The following FSIP1 variants were observed in gnomAD, a reference collection of about 807,000 sequenced individuals.
The protein encoded by FSIP1 is fibrous sheath interacting protein 1.
FSIP1 carries 65 observed loss-of-function variants against 60.9 expected under a neutral mutation model. That is an observed-to-expected ratio of 1.07 (90% CI 0.87 to 1.31). FSIP1 has a LOEUF of 1.31. Among genes scored for constraint, FSIP1 ranks in the 40% most tolerant of loss-of-function variants. The pLI is 0.00. For synonymous variants in FSIP1, 209 were observed against 221.2 expected (o/e 0.94, Z 0.49); for missense variants, 675 against 665.5 (o/e 1.01, Z -0.16).
intron 10 of FSIP1, among the ~76,000 whole-genome samples, chr15:39,658,972 G>T (rs901304718): frequency 1.3e-5 from 2 of 152,134 alleles, no homozygotes; most frequent in African/African-American, 2.4e-5. Flanking sequence ...ATATTATTTG[G>T]CAATAAAAAG....
At chr15:39,674,796 G>C (rs1456087082) in intron 10 of FSIP1, among the ~76,000 whole-genome samples, 1 of 150,458 alleles carries the variant, frequency 6.6e-6, no homozygotes, top group East Asian at 1.9e-4. Context: ...ATTTTTTAAA[G>C]ACACAAAAGT....
At chr15:39,601,696 T>C (rs1022134296) in intron 11 of FSIP1, among the ~76,000 whole-genome samples, 1 of 152,234 alleles carries the variant, frequency 6.6e-6, no homozygotes, top group Admixed American at 6.5e-5. Context: ...GATATATCCA[T>C]ATAATTGAGA....
intron 8 of FSIP1, among the ~76,000 whole-genome samples, chr15:39,728,001 C>T (rs1053060112): frequency 1.3e-5 from 2 of 152,116 alleles, no homozygotes; most frequent in African/African-American, 2.4e-5. Flanking sequence ...AACACCCAAG[C>T]TGAGAGCCAA....
At chr15:39,690,668 T>G (rs1487180616) in intron 10 of FSIP1, among the ~76,000 whole-genome samples, 1 of 152,204 alleles carries the variant, frequency 6.6e-6, no homozygotes, top group Non-Finnish European at 1.5e-5. Flanking sequence ...CAGCTCCTGG[T>G]AAAACCATAG....
At chr15:39,620,080 C>T (rs1891386652) in intron 10 of FSIP1, among the ~76,000 whole-genome samples, 1 of 150,188 alleles carries the variant, frequency 6.7e-6, no homozygotes, top group African/African-American at 2.4e-5. Flanking sequence ...AAAAGTTTTA[C>T]AAAAAAAAGG....
chr15:39,672,591 T>C (rs1893765894), intron 10 of FSIP1, among the ~76,000 whole-genome samples: 1 of 152,140 alleles, frequency 6.6e-6, no homozygotes, highest in Admixed American at 6.5e-5. Context: ...TCCAGTATAC[T>C]TGGAAATGCA....
chr15:39,778,999 A>T (rs1898156708), intron 1 of FSIP1, among the ~76,000 whole-genome samples: 1 of 152,162 alleles, frequency 6.6e-6, no homozygotes, highest in African/African-American at 2.4e-5. Context: ...AGACTAACAG[A>T]TGTGGCTACG....
chr15:39,742,391 G>A (rs961525708), intron 5 of FSIP1, among the ~76,000 whole-genome samples: 1 of 152,172 alleles, frequency 6.6e-6, no homozygotes, highest in Non-Finnish European at 1.5e-5. Context: ...CTTTTCTGAT[G>A]TATTTTCTTG....
chr15:39,615,392 A>T (rs1891186840), intron 11 of FSIP1, among the ~76,000 whole-genome samples: 1 of 150,918 alleles, frequency 6.6e-6, no homozygotes, highest in Admixed American at 6.6e-5. Flanking sequence ...AAAATATATA[A>T]GGAACTCAAA....
chr15:39,674,701 G>A (rs993681222), intron 10 of FSIP1, among the ~76,000 whole-genome samples: 2 of 152,178 alleles, frequency 1.3e-5, no homozygotes, highest in East Asian at 3.9e-4. Context: ...GATGGATTAA[G>A]GACTTAAAAT....
intron 10 of FSIP1, among the ~76,000 whole-genome samples, chr15:39,703,385 C>T (rs1282623568): frequency 6.7e-6 from 1 of 150,312 alleles, no homozygotes; most frequent in African/African-American, 2.4e-5. Flanking sequence ...ATTATCATAA[C>T]ACATGTGAAA....
chr15:39,742,811 G>C (rs1327919089), intron 5 of FSIP1, among the ~76,000 whole-genome samples: 2 of 152,122 alleles, frequency 1.3e-5, no homozygotes, highest in African/African-American at 4.8e-5. Context: ...CCCTAATTTG[G>C]AATTCATAAT....
At chr15:39,754,353 C>A (rs1897246252) in intron 5 of FSIP1, among the ~76,000 whole-genome samples, 1 of 151,970 alleles carries the variant, frequency 6.6e-6, no homozygotes, top group South Asian at 2.1e-4. Flanking sequence ...ATTCCTGGCC[C>A]ACAGAAACTG....
chr15:39,715,260 C>A (rs560769439), intron 9 of FSIP1, among the ~76,000 whole-genome samples: 2 of 152,262 alleles, frequency 1.3e-5, no homozygotes, highest in East Asian at 1.9e-4. Flanking sequence ...AACCCTCCAA[C>A]TCCTGAGACT....
intron 10 of FSIP1, among the ~76,000 whole-genome samples, chr15:39,622,163 C>G (rs768518712): frequency 6.8e-6 from 1 of 146,590 alleles, no homozygotes; most frequent in African/African-American, 2.5e-5. Context: ...GTCAAGTAAC[C>G]ATCTGTTCAA....
chr15:39,683,015 A>G (rs866761492), intron 10 of FSIP1, among the ~76,000 whole-genome samples: 3 of 152,182 alleles, frequency 2.0e-5, no homozygotes, highest in African/African-American at 4.8e-5. Context: ...AACAATAAAT[A>G]TAAGTCAAAA....
At chr15:39,742,846 A>G (rs1225965071) in intron 5 of FSIP1, among the ~76,000 whole-genome samples, 1 of 152,230 alleles carries the variant, frequency 6.6e-6, no homozygotes, top group African/African-American at 2.4e-5. Context: ...TGTGGTTAAC[A>G]TTACACTGTT....
At chr15:39,729,825 G>A (rs935740564) in intron 8 of FSIP1, among the ~76,000 whole-genome samples, 1 of 152,074 alleles carries the variant, frequency 6.6e-6, no homozygotes, top group Non-Finnish European at 1.5e-5. Flanking sequence ...CTTATAAGTG[G>A]GAGCTAAACA....
At chr15:39,674,140 C>T (rs1411012487) in intron 10 of FSIP1, among the ~76,000 whole-genome samples, 3 of 151,668 alleles carry the variant, frequency 2.0e-5, no homozygotes, top group African/African-American at 2.4e-5. Context: ...CTGCAAGCTC[C>T]GCCTCCCGGG....
Sources: gnomAD v4.1 joint callset for allele counts (sites outside exome capture counted in the v4.1 genomes callset) on GRCh38, gnomAD v4.1.1 for gene constraint, MANE v1.5 for transcripts, NCBI Gene and HGNC (gene_info 2026-07-23, HGNC 2026-07-21) for gene names.